The following NKTR variants were observed in gnomAD, a reference collection of about 807,000 sequenced individuals.
The protein encoded by NKTR is NK-tumor recognition protein.
NKTR carries 67 observed loss-of-function variants against 156.3 expected under a neutral mutation model. That is an observed-to-expected ratio of 0.43 (90% CI 0.35 to 0.53). The LOEUF (loss-of-function observed/expected upper bound fraction) is 0.53. NKTR is among the 20% of genes least tolerant of loss of function. The pLI, the probability that NKTR is intolerant of heterozygous loss-of-function variation, is 0.01. For synonymous variants in NKTR, 640 were observed against 596.6 expected (o/e 1.07, Z -1.06); for missense variants, 1,604 against 1,730.9 (o/e 0.93, Z 1.30).
intron 2 of NKTR, among the ~76,000 whole-genome samples, chr3:42,604,459 G>T (rs1559547524): frequency 1.3e-5 from 2 of 150,696 alleles, no homozygotes; most frequent in African/African-American, 4.9e-5. Context: ...TCCGTTCTTT[G>T]TGCACTTGAA....
chr3:42,620,696 C>T, intron 5 of NKTR: 1 of 984,240 alleles, frequency 1.0e-6, no homozygotes, highest in Non-Finnish European at 1.2e-6. Context: ...TCTAAGTGAT[C>T]TTTATCACAG....
intron 6 of NKTR, 42 bp from the exon 7 acceptor site, chr3:42,630,504 A>G (rs775529385): frequency 5.0e-6 from 8 of 1,613,038 alleles, no homozygotes; most frequent in Middle Eastern, 1.7e-4. Flanking sequence ...ACCTGAACAC[A>G]TCGTGTTTGA....
intron 6 of NKTR, chr3:42,629,844 A>G (rs1708732275): frequency 8.1e-6 from 8 of 985,472 alleles, no homozygotes; most frequent in Non-Finnish European, 9.6e-6. Flanking sequence ...TGACTGTAGA[A>G]GAAGCTGGTT....
intron 16 of NKTR, 49 bp from the exon 17 acceptor site, chr3:42,645,839 A>G (rs773539518): frequency 5.2e-6 from 7 of 1,347,124 alleles, no homozygotes; most frequent in Admixed American, 2.0e-5. Flanking sequence ...GAGGAATTCA[A>G]AGATTTTACA....
chr3:42,621,540 G>A (rs541364501), intron 6 of NKTR, 24 bp downstream of exon 6: 7 of 1,600,686 alleles, frequency 4.4e-6, no homozygotes, highest in Middle Eastern at 3.3e-4. Flanking sequence ...ATTCAGAGAT[G>A]AGCTTTTCTT....
rs564114469 is a variant in NKTR, at chr3:42,632,061, C to CTTT, written c.551-517_551-515dup. ...TAATCATTTGTCATATTATGCAATT[C>CTTT]TTTTTTTTTTTTTTTTTTTTTTTTT... On this transcript the variant is annotated intron_variant, in intron 8 of 16. Coordinates refer to ENST00000232978, the MANE Select transcript of NKTR (RefSeq NM_005385.4). 2.2e-3 allele frequency among the ~76,000 whole-genome samples: 194 copies of CTTT among 86,518 alleles called. 1 individual carries two copies. The highest frequency in any genetic ancestry group is 2.6e-3 in the East Asian group (7 of 2,744). The allele number at this position is 86,518 out of a possible 152,430, so 56.8% of individuals were successfully genotyped here. A position where few individuals can be genotyped will look rare whatever the true frequency, so the allele number is the denominator to read the frequency against.
At chr3:42,609,086 C>A (rs1321505564) in intron 2 of NKTR, among the ~76,000 whole-genome samples, 1 of 151,770 alleles carries the variant, frequency 6.6e-6, no homozygotes, top group East Asian at 1.9e-4. Context: ...AGAGATCATA[C>A]CACTGCACTC....
intron 5 of NKTR, chr3:42,619,963 T>C (rs1707752843): frequency 2.0e-6 from 3 of 1,527,486 alleles, no homozygotes; most frequent in Admixed American, 2.0e-5. Context: ...ACTATATACA[T>C]GAAAACTCCT....
intron 2 of NKTR, among the ~76,000 whole-genome samples, chr3:42,616,687 A>AT (rs1707397599): frequency 6.6e-6 from 1 of 152,118 alleles, no homozygotes; most frequent in Non-Finnish European, 1.5e-5. Flanking sequence ...TTTCCTTGTA[A>AT]TCTCGTGTTT....
In NKTR at chr3:42,617,633, G is replaced by C. The variant is rs1181604832; in HGVS notation, c.122G>C (p.Cys41Ser). The change falls in exon 3 of 17, where the codon TGC becomes TCC. Residue 41 changes from cysteine to serine, a missense_variant. By Grantham distance (112) the Cys-to-Ser change is moderately radical. Coordinates refer to ENST00000232978, the MANE Select transcript of NKTR (RefSeq NM_005385.4). ...ICPKTCKNFLCLCSGEKGLGK... is the reference protein window; with the variant it reads ...ICPKTCKNFLSLCSGEKGLGK... ...CCAAAAACATGCAAAAACTTCCTTT[G>C]CTTGTGCTCAGGTAAGTGAATTATT... The C allele has an allele frequency of 6.3e-7, 1 of 1,583,198 alleles. No homozygotes were observed. The highest frequency in any genetic ancestry group is 8.7e-7 in the Non-Finnish European group (1 of 1,152,608).
At chr3:42,623,309 C>T (rs1708081494) in intron 6 of NKTR, among the ~76,000 whole-genome samples, 1 of 152,044 alleles carries the variant, frequency 6.6e-6, no homozygotes, top group African/African-American at 2.4e-5. Flanking sequence ...AGTAAAATCA[C>T]TGAACTTCTG....
chr3:42,620,799 T>G (rs1707838154), intron 5 of NKTR: 1 of 985,236 alleles, frequency 1.0e-6, no homozygotes, highest in Non-Finnish European at 1.2e-6. Flanking sequence ...ACTTTGTGGT[T>G]GTTCCTTGTG....
chr3:42,639,678 C>G lies in NKTR; in HGVS notation c.3974C>G (p.Ser1325Ter). ...TCTCGAAGTAAATCTGAAACCAAAT[C>G]AAGACACAGAACAAGGTCTGTCTCC... ...SRSRSKSETKSRHRTRSVSYS... is the reference protein window; with the variant it reads ...SRSRSKSETK The change falls in exon 13 of 17, where the codon TCA becomes TGA. Residue 1325 changes from serine (S) to a stop codon, truncating the protein, a stop_gained. Coordinates refer to ENST00000232978, the MANE Select transcript of NKTR (RefSeq NM_005385.4). LOFTEE classifies it high-confidence loss of function. 1 of 1,613,916 alleles carries G rather than the reference C, an allele frequency of 6.2e-7. No homozygotes were observed. Among genetic ancestry groups the G allele is most frequent in the Non-Finnish European group, 8.5e-7 (1 of 1,179,884 alleles).
chr3:42,633,370 G>C (rs1024913160), intron 9 of NKTR: 21 of 1,342,952 alleles, frequency 1.6e-5, no homozygotes, highest in Non-Finnish European at 2.0e-5. Flanking sequence ...AAAAAAGTTA[G>C]GATCATTTAA....
intron 6 of NKTR, chr3:42,628,149 A>G: frequency 1.0e-6 from 1 of 984,838 alleles, no homozygotes; most frequent in Non-Finnish European, 1.2e-6. Context: ...TTAATATGTA[A>G]TCTAATCCAA....
At chr3:42,635,470 TCA>T (rs1385153005) in intron 12 of NKTR, 104 bp downstream of exon 12, 5 of 901,528 alleles carry the variant, frequency 5.5e-6, no homozygotes, top group Non-Finnish European at 6.6e-6. Flanking sequence ...AGTGAAAGAT[TCA>T]CAGTCAGACT....
chr3:42,630,469 G>T, intron 6 of NKTR, 77 bp from the exon 7 acceptor site: 1 of 1,597,468 alleles, frequency 6.3e-7, no homozygotes, highest in Non-Finnish European at 8.5e-7. Flanking sequence ...TCTACATGCT[G>T]TGTTTAAACC....
intron 2 of NKTR, among the ~76,000 whole-genome samples, chr3:42,607,658 T>C (rs114036837): frequency 0.02 from 3,090 of 152,246 alleles, 46 homozygotes; most frequent in African/African-American, 0.037. Flanking sequence ...GCTAATCAGT[T>C]GAGGATTGGT....
At chr3:42,632,370 C>T (rs1708998841) in intron 8 of NKTR, among the ~76,000 whole-genome samples, 1 of 152,142 alleles carries the variant, frequency 6.6e-6, no homozygotes, top group African/African-American at 2.4e-5. Flanking sequence ...TGCACCGGGC[C>T]TATTTCTTGT....
Sources: gnomAD v4.1 joint callset for allele counts (sites outside exome capture counted in the v4.1 genomes callset) on GRCh38, gnomAD v4.1.1 for gene constraint, MANE v1.5 for transcripts, NCBI Gene and HGNC (gene_info 2026-07-23, HGNC 2026-07-21) for gene names.